Variants in CCDC92B observed in about 807,000 individuals in gnomAD.
CCDC92B encodes the protein coiled-coil domain-containing 92B.
In CCDC92B, 2 loss-of-function variants were observed where a neutral mutation model predicts 5.6. The ratio of observed to expected loss-of-function variants is 0.36; its 90% confidence interval spans 0.15 to 1.12. The LOEUF is 1.12. CCDC92B is among the 50% of genes most tolerant of loss of function. The pLI, the probability that CCDC92B is intolerant of heterozygous loss-of-function variation, is 0.40. For synonymous variants in CCDC92B, 115 were observed against 122.3 expected (o/e 0.94, Z 0.39); for missense variants, 271 against 262.2 (o/e 1.03, Z -0.23).
intron 3 of CCDC92B, among the ~76,000 whole-genome samples, chr17:2,725,388 G>A (rs111508027): frequency 0.03 from 4,576 of 151,564 alleles, 250 homozygotes; most frequent in African/African-American, 0.1. Flanking sequence ...GTCTCAAAAA[G>A]CAAAAACAAA....
At chr17:2,728,485 A>G (rs2070759329) in intron 3 of CCDC92B, among the ~76,000 whole-genome samples, 1 of 152,050 alleles carries the variant, frequency 6.6e-6, no homozygotes, top group Non-Finnish European at 1.5e-5. Context: ...GGGCGCCTGT[A>G]GTCCCAGCTA....
At chr17:2,745,795 C>G (rs1404558649) in intron 1 of CCDC92B, among the ~76,000 whole-genome samples, 1 of 152,210 alleles carries the variant, frequency 6.6e-6, no homozygotes, top group Non-Finnish European at 1.5e-5. Context: ...TCAGCTCCAT[C>G]TTTCCCCCCG....
rs9909173 is a variant in CCDC92B, at chr17:2,749,487, C to G, written c.-100G>C. The G allele has an allele frequency of 4.0e-5, 6 of 151,010 alleles. No homozygotes were observed. The highest frequency in any genetic ancestry group is 1.2e-4 in the African/African-American group (5 of 41,118). 9.4% of individuals were successfully genotyped at this position (151,010 alleles called of 1,614,324 possible). On this transcript the variant is annotated 5_prime_UTR_variant, in exon 1 of 4. Coordinates refer to ENST00000614400, the MANE Select transcript of CCDC92B (RefSeq NM_001355573.2). ...TGGGTGGGGGCGGCGCTCTTCCCCC[C>G]ACGCTAGCTGCGCCCGGGGATCTGC...
In CCDC92B at chr17:2,724,471, C is replaced by T. The variant is rs1175993714; in HGVS notation, c.708G>A (p.Pro236=). The T allele has an allele frequency of 1.0e-6, 1 of 980,504 alleles. No homozygotes were observed. Among genetic ancestry groups the T allele is most frequent in the East Asian group, 1.2e-4 (1 of 8,654 alleles). The allele number at this position is 980,504 out of a possible 1,614,324, so 60.7% of individuals were successfully genotyped here. The change falls in exon 4 of 4, where the codon CCG becomes CCA. Residue 236 remains proline, a synonymous_variant. Coordinates refer to ENST00000614400, the MANE Select transcript of CCDC92B (RefSeq NM_001355573.2). This position sits in a 1 kb window ranked among gnomAD's most constrained non-coding sequence, Gnocchi z 5.0. The part of the protein sequence containing the change: ...SPRQPPPQEP[P]DRAGPQPAPS... ...GCGCGGGCTGCGGGCCGGCTCGGTCCGGGGGCTCCTGGGGAGGCGGCTGGC... is the reference window on the plus strand; with the variant it reads ...GCGCGGGCTGCGGGCCGGCTCGGTCTGGGGGCTCCTGGGGAGGCGGCTGGC...
intron 1 of CCDC92B, among the ~76,000 whole-genome samples, chr17:2,737,859 GT>G (rs1357082376): frequency 6.6e-6 from 1 of 151,894 alleles, no homozygotes; most frequent in Non-Finnish European, 1.5e-5. Flanking sequence ...CATCTGCTAT[GT>G]TCAGGGAACA....
intron 1 of CCDC92B, among the ~76,000 whole-genome samples, chr17:2,736,706 C>T (rs1047333664): frequency 1.3e-5 from 2 of 151,642 alleles, no homozygotes; most frequent in Non-Finnish European, 2.9e-5. Flanking sequence ...GGTGAAACCC[C>T]ATCTCTACTA....
chr17:2,727,176 C>G (rs1157935228), intron 3 of CCDC92B, among the ~76,000 whole-genome samples: 1 of 152,218 alleles, frequency 6.6e-6, no homozygotes, highest in Admixed American at 6.5e-5. Context: ...GTCACCGTGC[C>G]TGGCCACATG....
At chr17:2,749,143 A>C (rs1411916718) in intron 1 of CCDC92B, among the ~76,000 whole-genome samples, 3 of 152,208 alleles carry the variant, frequency 2.0e-5, no homozygotes, top group African/African-American at 7.2e-5. Flanking sequence ...GGGCAAAGGC[A>C]GCAGAAATAA....
intron 2 of CCDC92B, among the ~76,000 whole-genome samples, chr17:2,732,024 G>T (rs1009961064): frequency 3.3e-5 from 5 of 152,228 alleles, no homozygotes; most frequent in Non-Finnish European, 7.3e-5. Flanking sequence ...TTCTCGTCTG[G>T]AAAATGGGGG....
At chr17:2,732,641 C>T (rs1056176276) in intron 2 of CCDC92B, among the ~76,000 whole-genome samples, 3 of 151,512 alleles carry the variant, frequency 2.0e-5, no homozygotes, top group Non-Finnish European at 4.4e-5. Context: ...TGCTTGAACC[C>T]GGGAGGCAGA....
chr17:2,726,404 G>C (rs966025934), intron 3 of CCDC92B, among the ~76,000 whole-genome samples: 1 of 150,806 alleles, frequency 6.6e-6, no homozygotes, highest in African/African-American at 2.4e-5. Flanking sequence ...GGATGGTTTC[G>C]ATCTCCTGAC....
intron 2 of CCDC92B, among the ~76,000 whole-genome samples, chr17:2,734,640 C>A (rs1462343615): frequency 1.3e-5 from 2 of 152,014 alleles, no homozygotes; most frequent in Admixed American, 6.6e-5. Context: ...CAAGCGCCCA[C>A]CACCGTAACC....
intron 2 of CCDC92B, among the ~76,000 whole-genome samples, chr17:2,732,986 C>A (rs2070812703): frequency 6.6e-6 from 1 of 151,370 alleles, no homozygotes; most frequent in South Asian, 2.1e-4. Context: ...GCACTCCAGC[C>A]TGGGCGACAG....
At chr17:2,725,088 C>G in intron 3 of CCDC92B, 88 bp from the exon 4 acceptor site, 6 of 983,644 alleles carry the variant, frequency 6.1e-6, no homozygotes, top group Non-Finnish European at 7.2e-6. Context: ...AACAAAACCC[C>G]CAGGCCGGGC....
intron 3 of CCDC92B, among the ~76,000 whole-genome samples, chr17:2,725,389 CA>C: frequency 6.6e-6 from 1 of 151,684 alleles, no homozygotes; most frequent in East Asian, 2.0e-4. Context: ...TCTCAAAAAG[CA>C]AAAACAAAAA....
At chr17:2,748,336 T>C (rs1276514744) in intron 1 of CCDC92B, 2 of 976,004 alleles carry the variant, frequency 2.0e-6, no homozygotes, top group African/African-American at 1.8e-5. Context: ...CCCACCAAGA[T>C]GGAACGACTC....
intron 1 of CCDC92B, among the ~76,000 whole-genome samples, chr17:2,739,179 A>G (rs1401398276): frequency 1.3e-5 from 2 of 151,220 alleles, no homozygotes; most frequent in Admixed American, 6.6e-5. Flanking sequence ...CATCCTGGCT[A>G]ACATGGTAGA....
At chr17:2,733,168 C>T (rs1218834392) in intron 2 of CCDC92B, among the ~76,000 whole-genome samples, 2 of 151,370 alleles carry the variant, frequency 1.3e-5, no homozygotes, top group Non-Finnish European at 2.9e-5. Flanking sequence ...GGATCTGGCC[C>T]GTGTCCTAAA....
At chr17:2,746,944 C>T (rs2070994005) in intron 1 of CCDC92B, among the ~76,000 whole-genome samples, 1 of 152,104 alleles carries the variant, frequency 6.6e-6, no homozygotes, top group Non-Finnish European at 1.5e-5. Context: ...AGGGCTGGGA[C>T]TACAGATGTG....
Sources: gnomAD v4.1 joint callset for allele counts (sites outside exome capture counted in the v4.1 genomes callset) on GRCh38, gnomAD v4.1.1 for gene constraint, Gnocchi (gnomAD v3.1) non-coding constraint, MANE v1.5 for transcripts, NCBI Gene and HGNC (gene_info 2026-07-23, HGNC 2026-07-21) for gene names.